TNS1: variants seen among roughly 807,000 people sequenced by gnomAD.
The protein encoded by TNS1 is tensin-1.
In TNS1, 62 loss-of-function variants were observed where a neutral mutation model predicts 168.6. The observed-to-expected ratio is 0.37, with a 90% CI of 0.30 to 0.45. TNS1 has a LOEUF of 0.45. Ranked by LOEUF, TNS1 falls within the 20% of genes least tolerant of loss-of-function variation. TNS1 has a pLI of 1.00. For missense variants in TNS1, 2,240 were observed against 2,339.4 expected, an observed-to-expected ratio of 0.96 and a Z score of 0.88; for synonymous variants, 934 against 933.2, an observed-to-expected ratio of 1.00 and a Z score of -0.02.
intron 18 of TNS1, among the ~76,000 whole-genome samples, chr2:217,855,369 TC>T (rs1442149244): frequency 6.6e-6 from 1 of 152,156 alleles, no homozygotes; most frequent in Non-Finnish European, 1.5e-5. Context: ...AGTTCAAACT[TC>T]CCTGGGAAAT....
intron 27 of TNS1, 53 bp from the exon 28 acceptor site, chr2:217,812,498 G>A: frequency 2.0e-6 from 3 of 1,487,952 alleles, no homozygotes; most frequent in Non-Finnish European, 2.8e-6. Context: ...AGCCAGAAGG[G>A]AAACCTCCAC....
chr2:217,811,826 C>T (rs976138767), intron 28 of TNS1, among the ~76,000 whole-genome samples: 1 of 152,224 alleles, frequency 6.6e-6, no homozygotes, highest in Non-Finnish European at 1.5e-5. Context: ...TCCATTCCAA[C>T]TTCCCACAAT....
chr2:218,030,146 A>C (rs2106016351), intron 1 of TNS1, among the ~76,000 whole-genome samples: 1 of 151,932 alleles, frequency 6.6e-6, no homozygotes, highest in South Asian at 2.1e-4. Flanking sequence ...CTCCCAATCC[A>C]TATACACACA....
At chr2:217,859,622 G>A (rs1948591539) in intron 18 of TNS1, 4 of 1,534,268 alleles carry the variant, frequency 2.6e-6, no homozygotes, top group Non-Finnish European at 3.5e-6. Context: ...GCCAGTGTGT[G>A]TCTGGCCAGG....
chr2:218,025,643 AC>A (rs1302419863), intron 1 of TNS1, among the ~76,000 whole-genome samples: 2 of 151,800 alleles, frequency 1.3e-5, no homozygotes, highest in Non-Finnish European at 2.9e-5. Flanking sequence ...CAGTGGTGAT[AC>A]TAAGGCAGAT....
chr2:218,015,667 G>A (rs1958751603), intron 1 of TNS1, among the ~76,000 whole-genome samples: 1 of 151,824 alleles, frequency 6.6e-6, no homozygotes, highest in Non-Finnish European at 1.5e-5. Flanking sequence ...TTTATTCTCA[G>A]GGCTGAGAAT....
At chr2:217,941,049 TTGA>T (rs879407480) in intron 3 of TNS1, among the ~76,000 whole-genome samples, 31 of 152,170 alleles carry the variant, frequency 2.0e-4, no homozygotes, top group Non-Finnish European at 4.1e-4. Flanking sequence ...TGCAAGCCAC[TTGA>T]TGCTGCCCGG....
chr2:217,976,876 T>C (rs1347842300), intron 3 of TNS1, among the ~76,000 whole-genome samples: 2 of 152,080 alleles, frequency 1.3e-5, no homozygotes, highest in African/African-American at 4.8e-5. Context: ...GATGGAGAAA[T>C]GCATGCCAGT....
Position 217,808,979 on chromosome 2 carries a change from G to C in TNS1, c.5274-308C>G, listed in dbSNP as rs112172903. 4.6e-3 allele frequency among the ~76,000 whole-genome samples: 703 copies of C among 152,338 alleles called. 3 individuals are homozygous for C. Among genetic ancestry groups the C allele is most frequent in the African/African-American group, 0.016 (654 of 41,568 alleles). Reference sequence around the variant, plus strand: ...AGAGGCCAGGGACACTGTTAGGAGAGAGTCCAAGTGGACGGGCTCTGCTCC... The same window carrying C: ...AGAGGCCAGGGACACTGTTAGGAGACAGTCCAAGTGGACGGGCTCTGCTCC... On this transcript the variant is annotated intron_variant, in intron 30 of 32. Transcript: ENST00000682258.
At position 217,799,992 on chromosome 2, in the gene TNS1, A is replaced by ACAGC. The variant is rs1453537770; in HGVS notation, c.*4463_*4466dup. On this transcript the variant is annotated 3_prime_UTR_variant, in exon 33 of 33. Transcript: ENST00000682258. ...AGTATATTTCCATCTATATAAATAC[A>ACAGC]CAGCTGGGGTGGGGAAGGATGCTGG... 6.6e-6 allele frequency: 1 copy of ACAGC among 152,188 alleles called. No homozygotes were observed. The highest frequency in any genetic ancestry group is 1.5e-5 in the Non-Finnish European group (1 of 68,030). 9.4% of individuals were successfully genotyped at this position (152,188 alleles called of 1,614,324 possible). A position where few individuals can be genotyped will look rare whatever the true frequency, so the allele number is the denominator to read the frequency against.
chr2:217,850,429 C>A, intron 18 of TNS1: 1 of 985,144 alleles, frequency 1.0e-6, no homozygotes, highest in African/African-American at 1.7e-5. Flanking sequence ...GCTCTGAGGA[C>A]CCCCCTGAGC....
At chr2:217,939,703 C>T (rs1395904357) in intron 3 of TNS1, among the ~76,000 whole-genome samples, 1 of 152,222 alleles carries the variant, frequency 6.6e-6, no homozygotes, top group Non-Finnish European at 1.5e-5. Flanking sequence ...TCCTGTCTCC[C>T]ACACCCAGGG....
intron 24 of TNS1, among the ~76,000 whole-genome samples, chr2:217,815,723 G>A (rs1028102047): frequency 2.6e-5 from 4 of 152,070 alleles, no homozygotes; most frequent in Non-Finnish European, 5.9e-5. Flanking sequence ...TAAAACACTT[G>A]CTTCTAGAAC....
chr2:217,966,469 A>G (rs1212345039), intron 3 of TNS1, among the ~76,000 whole-genome samples: 1 of 152,198 alleles, frequency 6.6e-6, no homozygotes, highest in Non-Finnish European at 1.5e-5. Flanking sequence ...AGCTGAAGCC[A>G]GAAGAACAGA....
intron 1 of TNS1, among the ~76,000 whole-genome samples, chr2:217,994,247 C>T (rs1028410575): frequency 6.6e-6 from 1 of 152,122 alleles, no homozygotes; most frequent in Non-Finnish European, 1.5e-5. Flanking sequence ...CCCTGGTTTC[C>T]GTCTCGGGCC....
intron 25 of TNS1, among the ~76,000 whole-genome samples, chr2:217,814,682 G>C (rs1051354964): frequency 6.6e-6 from 1 of 152,174 alleles, no homozygotes; most frequent in African/African-American, 2.4e-5. Context: ...GAAAACCAAG[G>C]CTTTGCTGTT....
At chr2:217,933,890 G>T (rs976961244) in intron 3 of TNS1, among the ~76,000 whole-genome samples, 3 of 152,214 alleles carry the variant, frequency 2.0e-5, no homozygotes, top group Non-Finnish European at 4.4e-5. Flanking sequence ...AACATTATGG[G>T]GTGGAAGCAC....
rs1559141813 is a variant in TNS1, at chr2:217,809,604, G to GATGGATGGATGGATGGATGGATGC, written c.5273+218_5273+219insGCATCCATCCATCCATCCATCCAT. ...AGGTGCATGGATGGATGGATGGATG[G>GATGGATGGATGGATGGATGGATGC]ATGGATGGGTGCATGGATGGGTGCA... On this transcript the variant is annotated intron_variant, in intron 30 of 32. Coordinates refer to ENST00000682258, the MANE Select transcript of TNS1 (RefSeq NM_001387777.1). 6.8e-4 allele frequency: 76 copies of GATGGATGGATGGATGGATGGATGC among 111,100 alleles called. 13 individuals carry two copies. Among genetic ancestry groups the GATGGATGGATGGATGGATGGATGC allele is most frequent in the Non-Finnish European group, 9.4e-4 (56 of 59,580 alleles). 6.9% of individuals were successfully genotyped at this position (111,100 alleles called of 1,614,324 possible).
At chr2:217,909,396 T>C (rs933723723) in intron 4 of TNS1, among the ~76,000 whole-genome samples, 1 of 152,024 alleles carries the variant, frequency 6.6e-6, no homozygotes, top group African/African-American at 2.4e-5. Flanking sequence ...GTGGACAAGC[T>C]AGAGATGCTA....
Sources: allele counts gnomAD v4.1 joint callset (sites outside exome capture counted in the v4.1 genomes callset), GRCh38; gene constraint gnomAD v4.1.1; transcripts MANE v1.5; gene names NCBI Gene and HGNC (gene_info 2026-07-23, HGNC 2026-07-21).